Variants in STK32B observed in about 807,000 individuals in gnomAD.
STK32B encodes serine/threonine kinase 32B.
STK32B carries 43 observed loss-of-function variants against 52.6 expected under a neutral mutation model. The observed-to-expected ratio is 0.82, with a 90% CI of 0.64 to 1.05. STK32B has a LOEUF of 1.05. STK32B is among the 50% of genes least tolerant of loss of function. The pLI is 0.00. For missense variants in STK32B, 621 were observed against 534.6 expected, an observed-to-expected ratio of 1.16 and a Z score of -1.59; for synonymous variants, 238 against 204.3, an observed-to-expected ratio of 1.17 and a Z score of -1.41.
At chr4:5,334,852 T>G (rs1209074265) in intron 4 of STK32B, among the ~76,000 whole-genome samples, 1 of 152,080 alleles carries the variant, frequency 6.6e-6, no homozygotes, top group African/African-American at 2.4e-5. Context: ...GGATAAGCTT[T>G]TTGATGTGCT....
intron 4 of STK32B, among the ~76,000 whole-genome samples, chr4:5,377,545 A>C (rs923551898): frequency 2.0e-5 from 3 of 152,224 alleles, no homozygotes; most frequent in Non-Finnish European, 4.4e-5. Context: ...TGCTTTCCAC[A>C]AAAGATATCC....
chr4:5,323,794 A>G (rs763640002), intron 3 of STK32B, among the ~76,000 whole-genome samples: 28 of 152,260 alleles, frequency 1.8e-4, no homozygotes, highest in Admixed American at 3.3e-4. Context: ...AGGTCCCTGC[A>G]CTCAGAGTTC....
intron 6 of STK32B, among the ~76,000 whole-genome samples, chr4:5,428,790 CT>C (rs1248624913): frequency 4.6e-5 from 7 of 152,148 alleles, no homozygotes; most frequent in African/African-American, 1.7e-4. Flanking sequence ...TTTTTCCTTG[CT>C]TTTCATTTAG....
intron 1 of STK32B, among the ~76,000 whole-genome samples, chr4:5,115,029 A>G (rs1714641738): frequency 6.6e-6 from 1 of 152,232 alleles, no homozygotes; most frequent in Admixed American, 6.5e-5. Context: ...GCCCCTGGAG[A>G]CATTCTCTCA....
rs190232317 is a variant in STK32B at position 5,424,773 on chromosome 4, C to A, written c.562+7839C>A. On this transcript the variant is annotated intron_variant, in intron 6 of 11. Transcript: ENST00000282908. ...TGGTGGGAGTGAAAGAGCTGTAACA[C>A]AAACAGGGCTGAAATATGCCCCCTG... is the stretch of plus-strand genomic sequence containing the variant. Among the ~76,000 whole-genome samples, 18 of 127,528 alleles carry A rather than the reference C, an allele frequency of 1.4e-4. No individual in the cohort carries two copies. In the East Asian group the frequency reaches 2.8e-3, roughly 20 times the overall value. The allele number at this position is 127,528 out of a possible 152,430, so 83.7% of individuals were successfully genotyped here.
intron 3 of STK32B, among the ~76,000 whole-genome samples, chr4:5,217,373 T>C (rs1723242582): frequency 6.6e-6 from 1 of 152,146 alleles, no homozygotes; most frequent in African/African-American, 2.4e-5. Context: ...TGCAGAACAA[T>C]GAAGGTGAAG....
chr4:5,198,222 A>G (rs988598786), intron 3 of STK32B, among the ~76,000 whole-genome samples: 6 of 152,212 alleles, frequency 3.9e-5, no homozygotes, highest in Admixed American at 6.5e-5. Flanking sequence ...TGCATAGAAT[A>G]TAAATGTCTA....
Position 5,093,016 on chromosome 4 carries a change from T to C in STK32B, c.52+41101T>C, listed in dbSNP as rs77367742. Among the ~76,000 whole-genome samples the C allele has an allele frequency of 2.8e-3, 419 of 152,286 alleles. 1 individual carries two copies. Among genetic ancestry groups the C allele is most frequent in the African/African-American group, 9.9e-3 (410 of 41,552 alleles). On this transcript the variant is annotated intron_variant, in intron 1 of 11. Coordinates refer to ENST00000282908, the MANE Select transcript of STK32B (RefSeq NM_018401.3). The stretch of plus-strand genomic sequence containing the variant: ...ACATATGGTTGATCCTTGAACAACA[T>C]GGATTTGAACTGTGCAGGTCCACTT...
At chr4:5,061,785 C>G (rs757459159) in intron 1 of STK32B, among the ~76,000 whole-genome samples, 1 of 152,180 alleles carries the variant, frequency 6.6e-6, no homozygotes, top group Non-Finnish European at 1.5e-5. Flanking sequence ...CAAGCCTCCT[C>G]CTCTTTGGTA....
In STK32B at chr4:5,291,006, A is replaced by C. The variant is rs146272807; in HGVS notation, c.261-40214A>C. On this transcript the variant is annotated intron_variant, in intron 3 of 11. Transcript: ENST00000282908. ...TCTGATCAAAATCAATTCATCATAA[A>C]GATGTTTGTGTCTGGACTCAATTTT... Among the ~76,000 whole-genome samples the C allele has an allele frequency of 9.8e-3, 1,492 of 152,232 alleles. 15 individuals carry two copies. Among genetic ancestry groups the C allele is most frequent in the Non-Finnish European group, 0.016 (1,094 of 68,008 alleles).
chr4:5,063,818 C>T lies in STK32B; in HGVS notation c.52+11903C>T, dbSNP rs115756938. Among the ~76,000 whole-genome samples, 741 of 152,236 alleles carry T rather than the reference C, an allele frequency of 4.9e-3. 2 individuals carry two copies. Among genetic ancestry groups the T allele is most frequent in the African/African-American group, 0.016 (683 of 41,520 alleles). The stretch of plus-strand genomic sequence containing the variant: ...ATCGAACAGCATACCTTTATTTCCT[C>T]GCCAATATTTATTACTGTTGACTTT... On this transcript the variant is annotated intron_variant, in intron 1 of 11. Transcript: ENST00000282908.
At chr4:5,430,605 G>A (rs2526307) in intron 6 of STK32B, among the ~76,000 whole-genome samples, 70,946 of 151,852 alleles carry the variant, frequency 0.47, 17,362 homozygotes, top group South Asian at 0.64. Flanking sequence ...TTTGTCCTGT[G>A]TCTGATAATT....
intron 1 of STK32B, among the ~76,000 whole-genome samples, chr4:5,098,604 A>T (rs771298621): frequency 1.2e-4 from 19 of 152,210 alleles, no homozygotes; most frequent in Admixed American, 3.9e-4. Context: ...AGGTGAGGAG[A>T]TTGAGACTTC....
chr4:5,245,343 T>C (rs1277208442), intron 3 of STK32B, among the ~76,000 whole-genome samples: 1 of 152,218 alleles, frequency 6.6e-6, no homozygotes, highest in Non-Finnish European at 1.5e-5. Flanking sequence ...TGGCCTTCTT[T>C]GTCTCTTTTG....
At position 5,449,497 on chromosome 4, in the gene STK32B, T is replaced by C. The variant is rs117660758; in HGVS notation, c.666+2721T>C. Among the ~76,000 whole-genome samples, 715 of 152,332 alleles carry C rather than the reference T, an allele frequency of 4.7e-3. 19 individuals are homozygous for C. In the East Asian group the frequency reaches 0.069, roughly 15 times the overall value. On this transcript the variant is annotated intron_variant, in intron 7 of 11. Coordinates refer to ENST00000282908, the MANE Select transcript of STK32B (RefSeq NM_018401.3). ...GTTTCTCCTCATGAGGAGCCAAGCA[T>C]GCTTTATGGACAGCAGAGGGACCAA...
Position 5,467,057 on chromosome 4 carries a change from C to G in STK32B, c.1041+223C>G, listed in dbSNP as rs1158510768. Among the ~76,000 whole-genome samples, 3 of 152,220 alleles carry G rather than the reference C, an allele frequency of 2.0e-5. No individual in the cohort carries two copies. Among genetic ancestry groups the G allele is most frequent in the Admixed American group, 6.5e-5 (1 of 15,290 alleles). On this transcript the variant is annotated intron_variant, in intron 10 of 11. Coordinates refer to ENST00000282908, the MANE Select transcript of STK32B (RefSeq NM_018401.3). This position sits in a 1 kb window ranked among gnomAD's most constrained non-coding sequence, Gnocchi z 5.8. Reference sequence around the variant, plus strand: ...TGAGCGCTATTCCTACAGCAGGAAGCTTGTGTAGCTCTAAGGCAGGGGGAG... The same window carrying G: ...TGAGCGCTATTCCTACAGCAGGAAGGTTGTGTAGCTCTAAGGCAGGGGGAG...
intron 3 of STK32B, among the ~76,000 whole-genome samples, chr4:5,282,046 G>A (rs2108871741): frequency 6.6e-6 from 1 of 151,886 alleles, no homozygotes; most frequent in Non-Finnish European, 1.5e-5. Flanking sequence ...TATACAATAT[G>A]GAATAACTAA....
intron 3 of STK32B, among the ~76,000 whole-genome samples, chr4:5,222,510 A>T (rs1723602261): frequency 6.6e-6 from 1 of 152,204 alleles, no homozygotes; most frequent in South Asian, 2.1e-4. Context: ...TGAGTTCTTA[A>T]GTGTAGATGA....
intron 6 of STK32B, among the ~76,000 whole-genome samples, chr4:5,417,426 T>A (rs993452915): frequency 5.3e-5 from 8 of 152,230 alleles, no homozygotes; most frequent in African/African-American, 1.9e-4. Flanking sequence ...ATGCTGGATC[T>A]TCTTTGCCAA....
Sources: gnomAD v4.1 joint callset for allele counts (sites outside exome capture counted in the v4.1 genomes callset) on GRCh38, gnomAD v4.1.1 for gene constraint, Gnocchi (gnomAD v3.1) non-coding constraint, MANE v1.5 for transcripts, NCBI Gene and HGNC (gene_info 2026-07-23, HGNC 2026-07-21) for gene names.